FAM240C: variants seen among roughly 807,000 people sequenced by gnomAD.
FAM240C encodes the protein family with sequence similarity 240 member C, also known as protein FAM240C.
In FAM240C, 14 loss-of-function variants were observed where a neutral mutation model predicts 10.0. That is an observed-to-expected ratio of 1.40 (90% confidence interval 0.92 to 2.19). The LOEUF (loss-of-function observed/expected upper bound fraction) is 2.19. Among genes scored for constraint, FAM240C ranks in the 30% most tolerant of loss-of-function variants. The pLI, the probability that FAM240C is intolerant of heterozygous loss-of-function variation, is 0.00. For synonymous variants in FAM240C, 49 were observed against 44.3 expected (o/e 1.11, Z -0.42); for missense variants, 154 against 122.3 (o/e 1.26, Z -1.22).
intron 2 of FAM240C, 53 bp downstream of exon 2, chr2:241,897,133 G>T (rs1701864909): frequency 6.5e-7 from 1 of 1,533,484 alleles, no homozygotes; most frequent in Non-Finnish European, 8.8e-7. Context: ...CCCCTGGGTG[G>T]CGAGCGTGGC....
At chr2:241,902,241 C>T (rs1701999767), upstream of FAM240C, among the ~76,000 whole-genome samples, 1 of 151,776 alleles carries the variant, frequency 6.6e-6, no homozygotes, top group Non-Finnish European at 1.5e-5. The surrounding 1 kb of genome is among the most constrained non-coding windows in gnomAD (Gnocchi z 7.1). Context: ...CCACCCCCAC[C>T]CCATCAGAGG....
upstream of FAM240C, among the ~76,000 whole-genome samples, chr2:241,902,331 C>T (rs1472550618): frequency 6.2e-5 from 7 of 112,462 alleles, no homozygotes; most frequent in Middle Eastern, 0.01. This position sits in a 1 kb window ranked among gnomAD's most constrained non-coding sequence, Gnocchi z 7.1. Context: ...GCCTCCCCTC[C>T]GCCGCCGCCT....
intron 2 of FAM240C, among the ~76,000 whole-genome samples, chr2:241,896,116 G>C (rs1277908076): frequency 6.6e-6 from 1 of 152,142 alleles, no homozygotes; most frequent in African/African-American, 2.4e-5. Context: ...GGGGTACCAC[G>C]GCTCTCTTGC....
upstream of FAM240C, among the ~76,000 whole-genome samples, chr2:241,900,917 C>T (rs1467746328): frequency 2.6e-5 from 4 of 152,114 alleles, no homozygotes; most frequent in Non-Finnish European, 5.9e-5. The surrounding 1 kb of genome is among the most constrained non-coding windows in gnomAD (Gnocchi z 4.5). Context: ...CGGTGACAGG[C>T]GCTGAGAGGT....
chr2:241,900,918 G>T (rs923182532), upstream of FAM240C, among the ~76,000 whole-genome samples: 3 of 152,124 alleles, frequency 2.0e-5, no homozygotes, highest in African/African-American at 7.2e-5. This position sits in a 1 kb window ranked among gnomAD's most constrained non-coding sequence, Gnocchi z 4.5. Flanking sequence ...GGTGACAGGC[G>T]CTGAGAGGTC....
chr2:241,898,143 C>T (rs1701897567), intron 1 of FAM240C, among the ~76,000 whole-genome samples: 1 of 152,198 alleles, frequency 6.6e-6, no homozygotes, highest in Admixed American at 6.5e-5. Flanking sequence ...TTCAGCTCTG[C>T]TATTTGATGT....
intron 1 of FAM240C, among the ~76,000 whole-genome samples, chr2:241,899,993 G>A (rs1422447823): frequency 6.6e-6 from 1 of 152,166 alleles, no homozygotes; most frequent in African/African-American, 2.4e-5. Flanking sequence ...CGTGAACCCG[G>A]GAGGCGGAGG....
rs771156547 is a variant in FAM240C, at chr2:241,894,176, T to C, written c.*37A>G. 5.3e-5 allele frequency: 82 copies of C among 1,533,930 alleles called. No individual in the cohort carries two copies. Among genetic ancestry groups the C allele is most frequent in the Non-Finnish European group, 6.9e-5 (78 of 1,134,202 alleles). On this transcript the variant is annotated 3_prime_UTR_variant, in exon 3 of 3. Transcript: ENST00000404031. ...GCGTGGTGTTCCTTCTCCATGACCC[T>C]CCGGAAGCTCATGCAGAGTCTGGAG... is the stretch of plus-strand genomic sequence containing the variant.
At chr2:241,897,106 C>T in intron 2 of FAM240C, 80 bp downstream of exon 2, 2 of 1,474,414 alleles carry the variant, frequency 1.4e-6, no homozygotes, top group East Asian at 2.5e-5. Flanking sequence ...TCAGGGCACA[C>T]TGCTGGCGGG....
chr2:241,894,964 G>A (rs1048153700), intron 2 of FAM240C, among the ~76,000 whole-genome samples: 3 of 152,192 alleles, frequency 2.0e-5, no homozygotes, highest in African/African-American at 7.2e-5. Context: ...CAGGCTCCCC[G>A]AGACCTGGGC....
Position 241,894,169 on chromosome 2 carries a change from A to G in FAM240C, c.*44T>C, listed in dbSNP as rs1210497754. On this transcript the variant is annotated 3_prime_UTR_variant, in exon 3 of 3. Transcript: ENST00000404031. ...ACCCCACGCGTGGTGTTCCTTCTCC[A>G]TGACCCTCCGGAAGCTCATGCAGAG... The G allele has an allele frequency of 4.6e-6, 7 of 1,528,986 alleles. No homozygotes were observed. Among genetic ancestry groups the G allele is most frequent in the African/African-American group, 1.4e-5 (1 of 72,762 alleles). 94.7% of individuals were successfully genotyped at this position (1,528,986 alleles called of 1,614,324 possible).
upstream of FAM240C, among the ~76,000 whole-genome samples, chr2:241,900,656 G>A (rs879566606): frequency 2.0e-5 from 3 of 152,058 alleles, no homozygotes; most frequent in Non-Finnish European, 2.9e-5. The surrounding 1 kb of genome is among the most constrained non-coding windows in gnomAD (Gnocchi z 4.5). Flanking sequence ...TTCTTCTTTC[G>A]ACGGCTGCTC....
chr2:241,901,444 C>T (rs1391771526), upstream of FAM240C, among the ~76,000 whole-genome samples: 3 of 152,246 alleles, frequency 2.0e-5, 1 homozygote, highest in Admixed American at 6.5e-5. The surrounding 1 kb of genome is among the most constrained non-coding windows in gnomAD (Gnocchi z 4.9). Context: ...ATAAAGCAGA[C>T]GGTACACTTA....
chr2:241,897,178 C>G lies in FAM240C; in HGVS notation c.161+8G>C. On this transcript the variant is annotated splice_region_variant and intron_variant, in intron 2 of 2. Transcript: ENST00000404031. ...GGGGTCCCCGATGCACTGCACACCCCGACTCACTTGTTCAGAGCGCTTCTG... is the reference window on the plus strand; with the variant it reads ...GGGGTCCCCGATGCACTGCACACCCGGACTCACTTGTTCAGAGCGCTTCTG... 6.5e-7 allele frequency: 1 copy of G among 1,549,342 alleles called. No homozygotes were observed. Among genetic ancestry groups the G allele is most frequent in the Non-Finnish European group, 8.7e-7 (1 of 1,146,296 alleles).
At chr2:241,899,337 C>T (rs574070269) in intron 1 of FAM240C, 2 of 985,434 alleles carry the variant, frequency 2.0e-6, no homozygotes, top group Admixed American at 6.1e-5. Flanking sequence ...CCATCGATGC[C>T]ACGCCCTTTG....
Position 241,899,059 on chromosome 2 carries a change from C to G in FAM240C, c.12+1299G>C, listed in dbSNP as rs6733108. On this transcript the variant is annotated intron_variant, in intron 1 of 2. Transcript: ENST00000404031. Reference sequence around the variant, plus strand: ...AACACAGGGTGGCAGGAGCGCGGCCCGAGAGGAAAACCAGGCAGCTGAGAC... The same window carrying G: ...AACACAGGGTGGCAGGAGCGCGGCCGGAGAGGAAAACCAGGCAGCTGAGAC... The G allele has an allele frequency of 1.3e-5, 16 of 1,194,516 alleles. No individual in the cohort carries two copies. The African/African-American group carries it at 1.4e-4, about 11-fold the overall frequency. 74.0% of individuals were successfully genotyped at this position (1,194,516 alleles called of 1,614,324 possible). A position where few individuals can be genotyped will look rare whatever the true frequency, so the allele number is the denominator to read the frequency against.
In FAM240C at chr2:241,897,196, C is replaced by T. The variant is rs1333287679; in HGVS notation, c.151G>A (p.Ala51Thr). 53 of 1,549,644 alleles carry T rather than the reference C, an allele frequency of 3.4e-5. No individual in the cohort carries two copies. In the East Asian group the frequency reaches 4.4e-4, roughly 13 times the overall value. The change falls in exon 2 of 3, where the codon GCT becomes ACT. Residue 51 changes from alanine (A) to threonine (T), a missense_variant. Physicochemically the swap from Ala to Thr is moderately conservative, Grantham distance 58. Coordinates refer to ENST00000404031, the MANE Select transcript of FAM240C (RefSeq NM_001382368.1). ...QNEDIRVRRS[A>T]LNKLRVGWAE... is the part of the protein sequence containing the mutation. Reference sequence around the variant, plus strand: ...CACACCCCGACTCACTTGTTCAGAGCGCTTCTGCGAACCCTGATGTCCTCG... The same window carrying T: ...CACACCCCGACTCACTTGTTCAGAGTGCTTCTGCGAACCCTGATGTCCTCG...
intron 1 of FAM240C, among the ~76,000 whole-genome samples, chr2:241,899,996 G>A (rs192307654): frequency 6.6e-6 from 1 of 152,314 alleles, no homozygotes; most frequent in East Asian, 1.9e-4. Context: ...GAACCCGGGA[G>A]GCGGAGGTTG....
chr2:241,901,379 T>A (rs1418978582), upstream of FAM240C, among the ~76,000 whole-genome samples: 1 of 152,230 alleles, frequency 6.6e-6, no homozygotes, highest in African/African-American at 2.4e-5. This position sits in a 1 kb window ranked among gnomAD's most constrained non-coding sequence, Gnocchi z 4.9. Context: ...TTATGAGGTT[T>A]CCAAGTCATT....
Sources: gnomAD v4.1 joint callset for allele counts (sites outside exome capture counted in the v4.1 genomes callset) on GRCh38, gnomAD v4.1.1 for gene constraint, Gnocchi (gnomAD v3.1) non-coding constraint, MANE v1.5 for transcripts, NCBI Gene and HGNC (gene_info 2026-07-23, HGNC 2026-07-21) for gene names.